The following GARS1 variants were observed in gnomAD, a reference collection of about 807,000 sequenced individuals.
The protein encoded by GARS1 is glycine--tRNA ligase.
GARS1 carries 46 observed loss-of-function variants against 86.4 expected under a neutral mutation model. The ratio of observed to expected loss-of-function variants is 0.53; its 90% CI spans 0.42 to 0.68. The LOEUF (loss-of-function observed/expected upper bound fraction) is 0.68, where lower values mean the gene tolerates loss of function less well. Among genes scored for constraint, GARS1 ranks in the 30% least tolerant of loss-of-function variants. The pLI is 0.00. For missense variants in GARS1, 797 were observed against 915.6 expected (o/e 0.87, Z 1.67); for synonymous variants, 342 against 329.8 (o/e 1.04, Z -0.40).
intron 6 of GARS1, 86 bp from the exon 7 acceptor site, chr7:30,609,499 T>C: frequency 1.7e-6 from 2 of 1,152,390 alleles, no homozygotes; most frequent in Admixed American, 3.4e-5. Flanking sequence ...ATTGTAGCAG[T>C]GGATGGCTAG....
chr7:30,617,747 T>G (rs972056647), intron 10 of GARS1, among the ~76,000 whole-genome samples: 11 of 152,210 alleles, frequency 7.2e-5, no homozygotes, highest in Non-Finnish European at 1.2e-4. Flanking sequence ...TCAAATGTTA[T>G]GTATTTAACT....
intron 12 of GARS1, among the ~76,000 whole-genome samples, chr7:30,623,630 A>G (rs1783064606): frequency 6.6e-6 from 1 of 152,198 alleles, no homozygotes; most frequent in African/African-American, 2.4e-5. Context: ...TGTGTAATTG[A>G]GAGTCCTAGA....
At chr7:30,607,150 T>C (rs550168303) in intron 6 of GARS1, among the ~76,000 whole-genome samples, 67 of 152,378 alleles carry the variant, frequency 4.4e-4, no homozygotes, top group African/African-American at 1.5e-3. Context: ...TTAAAGTCAC[T>C]TGGAGTCATT....
chr7:30,621,835 A>G (rs1783014193), intron 11 of GARS1, among the ~76,000 whole-genome samples: 1 of 152,234 alleles, frequency 6.6e-6, no homozygotes, highest in Non-Finnish European at 1.5e-5. Context: ...AATAAAGGGT[A>G]CCTGGTGAAA....
intron 10 of GARS1, among the ~76,000 whole-genome samples, chr7:30,620,544 C>T (rs999784096): frequency 6.6e-5 from 10 of 152,112 alleles, no homozygotes; most frequent in African/African-American, 7.2e-5. Flanking sequence ...TTTCAATATA[C>T]GAATTTTGTC....
chr7:30,604,040 G>A (rs1212064601), intron 6 of GARS1, among the ~76,000 whole-genome samples: 1 of 152,040 alleles, frequency 6.6e-6, no homozygotes, highest in Non-Finnish European at 1.5e-5. Context: ...TTTGCCTATA[G>A]GCCTAAAGTT....
intron 1 of GARS1, among the ~76,000 whole-genome samples, chr7:30,597,396 A>C (rs1177712793): frequency 6.6e-6 from 1 of 152,246 alleles, no homozygotes; most frequent in Non-Finnish European, 1.5e-5. Context: ...GTTTTGAGGT[A>C]GTATCAAAGA....
chr7:30,599,454 G>A (rs953759021), intron 2 of GARS1, among the ~76,000 whole-genome samples: 30 of 152,076 alleles, frequency 2.0e-4, no homozygotes, highest in Non-Finnish European at 4.0e-4. Context: ...CCAGGCTGGA[G>A]TGCAATGGTG....
At chr7:30,610,371 T>G (rs968606952) in intron 7 of GARS1, among the ~76,000 whole-genome samples, 1 of 152,260 alleles carries the variant, frequency 6.6e-6, no homozygotes, top group Non-Finnish European at 1.5e-5. Context: ...GGAATCTTTA[T>G]CTTCTGATTC....
chr7:30,622,601 G>A, intron 12 of GARS1, 139 bp downstream of exon 12: 1 of 1,030,908 alleles, frequency 9.7e-7, no homozygotes, highest in South Asian at 1.3e-5. Flanking sequence ...GACTGTCTTT[G>A]CCGAGATTTT....
chr7:30,599,895 C>A, intron 2 of GARS1, 52 bp from the exon 3 acceptor site: 1 of 1,164,410 alleles, frequency 8.6e-7, no homozygotes, highest in Non-Finnish European at 1.3e-6. Flanking sequence ...TATATAAGTT[C>A]AGATTCCCAC....
At chr7:30,598,372 T>C (rs1346103979) in intron 1 of GARS1, among the ~76,000 whole-genome samples, 2 of 145,052 alleles carry the variant, frequency 1.4e-5, no homozygotes, top group Non-Finnish European at 3.0e-5. Context: ...TTGAATTGCA[T>C]CATTCTTTTT....
chr7:30,630,820 T>C (rs1783222406), intron 14 of GARS1, among the ~76,000 whole-genome samples: 1 of 152,210 alleles, frequency 6.6e-6, no homozygotes, highest in East Asian at 1.9e-4. Context: ...TTATTTTTGC[T>C]TTCTTTGATT....
chr7:30,627,667 G>C (rs1050443201), intron 13 of GARS1, among the ~76,000 whole-genome samples: 2 of 152,184 alleles, frequency 1.3e-5, no homozygotes, highest in Non-Finnish European at 2.9e-5. Context: ...GTCTTTGATG[G>C]AGTGCTGTTC....
At chr7:30,606,983 T>G (rs1791497896) in intron 6 of GARS1, among the ~76,000 whole-genome samples, 1 of 152,244 alleles carries the variant, frequency 6.6e-6, no homozygotes, top group East Asian at 1.9e-4. Context: ...ATGATTGATG[T>G]GCCTTATCTC....
chr7:30,594,906 C>A lies in GARS1; in HGVS notation c.-16C>A. ...TCCGTCGCCACCCTCTCTGGACAGC[C>A]CAGGGCCGCAGGCTCATGCCCTCTC... is the stretch of plus-strand genomic sequence containing the variant. On this transcript the variant is annotated 5_prime_UTR_variant, in exon 1 of 17. Transcript: ENST00000389266. The A allele has an allele frequency of 6.5e-7, 1 of 1,548,390 alleles. No homozygotes were observed. Among genetic ancestry groups the A allele is most frequent in the Non-Finnish European group, 8.7e-7 (1 of 1,152,756 alleles).
Position 30,615,996 on chromosome 7 carries a change from G to T in GARS1, c.1132G>T (p.Ala378Ser), listed in dbSNP as rs371537155. Residue 378 changes from alanine to serine, a missense_variant, in exon 9 of 17, where the codon GCA becomes TCA. Transcript: ENST00000389266. The part of the protein sequence containing the change: ...VADLHLYLYS[A>S]KAQVSGQSAR... ...AGACCTTCACCTTTATTTGTATTCAGCAAAAGCCCAGGTCAGCGGACAGTC... is the reference window on the plus strand; with the variant it reads ...AGACCTTCACCTTTATTTGTATTCATCAAAAGCCCAGGTCAGCGGACAGTC... 2.5e-6 allele frequency: 4 copies of T among 1,614,172 alleles called. No individual in the cohort carries two copies. The highest frequency in any genetic ancestry group is 1.7e-6 in the Non-Finnish European group (2 of 1,180,036).
chr7:30,604,941 T>G (rs541048866), intron 6 of GARS1, among the ~76,000 whole-genome samples: 308 of 152,362 alleles, frequency 2.0e-3, no homozygotes, highest in Middle Eastern at 3.4e-3. Flanking sequence ...ACTAGTTGAT[T>G]TGACAAGTCA....
chr7:30,609,672 C>G lies in GARS1; in HGVS notation c.823C>G (p.Pro275Ala), dbSNP rs1486676467. The change falls in exon 7 of 17, where the codon CCA becomes GCA. Residue 275 changes from proline (P) to alanine (A), a missense_variant. By Grantham distance (27) the Pro-to-Ala change is conservative. Transcript: ENST00000389266. Reference sequence around the variant, plus strand: ...CATTACTGGAAATGATCTATCCCCTCCAGTGTCTTTTAACTTAATGTTCAA... The same window carrying G: ...CATTACTGGAAATGATCTATCCCCTGCAGTGTCTTTTAACTTAATGTTCAA... ...SPITGNDLSP[P>A]VSFNLMFKTF... 1 of 1,613,424 alleles carries G rather than the reference C, an allele frequency of 6.2e-7. No homozygotes were observed. The highest frequency in any genetic ancestry group is 8.5e-7 in the Non-Finnish European group (1 of 1,179,448).
Sources: gnomAD v4.1 joint callset for allele counts (sites outside exome capture counted in the v4.1 genomes callset) on GRCh38, gnomAD v4.1.1 for gene constraint, MANE v1.5 for transcripts, NCBI Gene and HGNC (gene_info 2026-07-23, HGNC 2026-07-21) for gene names.